PIWIL3: variants seen among roughly 807,000 people sequenced by gnomAD.
PIWIL3 encodes the protein piwi like RNA-mediated gene silencing 3.
In PIWIL3, 101 loss-of-function variants were observed where a neutral mutation model predicts 109.7. That is an observed-to-expected ratio of 0.92 (90% CI 0.78 to 1.09). The LOEUF (loss-of-function observed/expected upper bound fraction) is 1.09. Among genes scored for constraint, PIWIL3 ranks in the 50% least tolerant of loss-of-function variants. PIWIL3 has a pLI of 0.00. For missense variants in PIWIL3, 1,031 were observed against 1,072.6 expected (o/e 0.96, Z 0.54); for synonymous variants, 373 against 376.4 (o/e 0.99, Z 0.10).
intron 12 of PIWIL3, among the ~76,000 whole-genome samples, chr22:24,739,890 A>C (rs1325775085): frequency 1.3e-4 from 20 of 151,902 alleles, no homozygotes; most frequent in African/African-American, 4.8e-4. Flanking sequence ...CTCTACTAAA[A>C]ATACAAAAAA....
In PIWIL3 at chr22:24,739,786, C is replaced by T. The variant is rs186097773; in HGVS notation, c.1450-3894G>A. ...GGTAATAGGGCCGGGGGCGGTGGCT[C>T]ATGCCTGTAATCCCAGCATTTTGAG... is the stretch of plus-strand genomic sequence containing the variant. On this transcript the variant is annotated intron_variant, in intron 12 of 20. Transcript: ENST00000616349. 1.1e-3 allele frequency among the ~76,000 whole-genome samples: 160 copies of T among 152,266 alleles called. 1 individual carries two copies. Among genetic ancestry groups the T allele is most frequent in the Non-Finnish European group, 6.9e-4 (47 of 67,996 alleles).
chr22:24,769,083 G>A (rs1422313321), intron 1 of PIWIL3, among the ~76,000 whole-genome samples: 3 of 152,178 alleles, frequency 2.0e-5, no homozygotes, highest in Non-Finnish European at 2.9e-5. Context: ...ACAGTCTACC[G>A]CTGATACCAA....
At chr22:24,768,644 T>A (rs1925942881) in intron 1 of PIWIL3, among the ~76,000 whole-genome samples, 1 of 152,188 alleles carries the variant, frequency 6.6e-6, no homozygotes, top group South Asian at 2.1e-4. Flanking sequence ...CCCTTACCTC[T>A]ATGGGTGACA....
rs1234901624 is a variant in PIWIL3 at position 24,756,645 on chromosome 22, T to C, written c.416A>G (p.Gln139Arg). ...AACGTTGTATTTATATGCAACCCAC[T>C]GAGGACGAGATATCACTCGGAAGTG... is the stretch of plus-strand genomic sequence containing the variant. Reference protein sequence around the residue: ...ANHFRVISRPQWVAYKYNVDY... With the variant: ...ANHFRVISRPRWVAYKYNVDY... Residue 139 changes from glutamine (Q) to arginine (R), a missense_variant, in exon 5 of 21, where the codon CAG (glutamine) becomes CGG (arginine). Coordinates refer to ENST00000616349, the MANE Select transcript of PIWIL3 (RefSeq NM_001255975.1). 6.2e-7 allele frequency: 1 copy of C among 1,614,010 alleles called. No individual in the cohort carries two copies. The highest frequency in any genetic ancestry group is 8.5e-7 in the Non-Finnish European group (1 of 1,180,008).
Position 24,755,780 on chromosome 22 carries a change from A to G in PIWIL3, c.692+4T>C. On this transcript the variant is annotated splice_donor_region_variant and intron_variant, in intron 6 of 20. Coordinates refer to ENST00000616349, the MANE Select transcript of PIWIL3 (RefSeq NM_001255975.1). ...ATCAAAGAAACTCAACCCCGGTAAC[A>G]TACCTTCTAAAGAGAATGTTGTAAT... The G allele has an allele frequency of 6.2e-7, 1 of 1,614,004 alleles. No homozygotes were observed. Among genetic ancestry groups the G allele is most frequent in the Non-Finnish European group, 8.5e-7 (1 of 1,179,900 alleles).
At chr22:24,762,816 C>T (rs2147720984) in intron 1 of PIWIL3, among the ~76,000 whole-genome samples, 1 of 152,130 alleles carries the variant, frequency 6.6e-6, no homozygotes, top group East Asian at 1.9e-4. Flanking sequence ...CCAGCTCAGG[C>T]AGGTGCTAAT....
rs1427131236 is a variant in PIWIL3 at position 24,754,789 on chromosome 22, A to G, written c.768T>C (p.Arg256=). The stretch of plus-strand genomic sequence containing the variant: ...ATTTTCTACTTTATACAAACCCATG[A>G]CGGTATAACTGAATGGCCTTCTTTT... ...YTKKKAIQLY[R]HGTSLEIWLG... is the part of the protein sequence containing the mutation. The change falls in exon 7 of 21, where the codon CGT becomes CGC. Residue 256 remains arginine (R), a synonymous_variant. Coordinates refer to ENST00000616349, the MANE Select transcript of PIWIL3 (RefSeq NM_001255975.1). 1 of 1,602,200 alleles carries G rather than the reference A, an allele frequency of 6.2e-7. No individual in the cohort carries two copies. The highest frequency in any genetic ancestry group is 1.1e-5 in the South Asian group (1 of 90,824).
rs1925322973 is a variant in PIWIL3 at position 24,759,987 on chromosome 22, G to A, written c.105C>T (p.Thr35=). The A allele has an allele frequency of 6.2e-7, 1 of 1,613,412 alleles. No homozygotes were observed. The highest frequency in any genetic ancestry group is 8.5e-7 in the Non-Finnish European group (1 of 1,179,754). The change falls in exon 3 of 21, where the codon ACC becomes ACT. Residue 35 remains threonine (T), a splice_region_variant and synonymous_variant. Coordinates refer to ENST00000616349, the MANE Select transcript of PIWIL3 (RefSeq NM_001255975.1). ...TCGACTGCAACTGAGGGGGCTCCTG[G>A]GTCTGCATGTTTTTGGAAATAGAAA... ...GGPRAPGSAT[T]QEPPQLQSTP...
rs71189275 is a variant in PIWIL3, at chr22:24,757,079, C to CAAAAAAAAAAAAAAAAAAAAAAAAAAAA, written c.356-375_356-374insTTTTTTTTTTTTTTTTTTTTTTTTTTTT. ...GGACAACAAGAGCTAAACTCCGTCT[C>CAAAAAAAAAAAAAAAAAAAAAAAAAAAA]AAAAAAAAAAAAAAAAAAAAAAAGA... On this transcript the variant is annotated intron_variant, in intron 4 of 20. Transcript: ENST00000616349. 2.1e-4 allele frequency among the ~76,000 whole-genome samples: 19 copies of CAAAAAAAAAAAAAAAAAAAAAAAAAAAA among 91,724 alleles called. 1 individual carries two copies. The highest frequency in any genetic ancestry group is 4.1e-4 in the African/African-American group (9 of 22,184). The allele number at this position is 91,724 out of a possible 152,430, so 60.2% of individuals were successfully genotyped here. A position where few individuals can be genotyped will look rare whatever the true frequency, so the allele number is the denominator to read the frequency against.
rs959122659 is a variant in PIWIL3, at chr22:24,744,201, A to C, written c.1449+4706T>G. Among the ~76,000 whole-genome samples the C allele has an allele frequency of 1.3e-3, 195 of 148,876 alleles. 1 individual carries two copies. Among genetic ancestry groups the C allele is most frequent in the Non-Finnish European group, 2.4e-3 (161 of 67,206 alleles). On this transcript the variant is annotated intron_variant, in intron 12 of 20. Transcript: ENST00000616349. ...ATTAAAAAAAAAAAAAAAAAAAAAA[A>C]AAAAAACAATGATCTGCTGCCTGCA...
chr22:24,741,407 G>A (rs1317128938), intron 12 of PIWIL3, among the ~76,000 whole-genome samples: 1 of 152,150 alleles, frequency 6.6e-6, no homozygotes, highest in African/African-American at 2.4e-5. Context: ...GGGAGGCTGA[G>A]GTAGGAGAAT....
intron 19 of PIWIL3, among the ~76,000 whole-genome samples, chr22:24,720,254 A>C (rs1248301803): frequency 7.5e-6 from 1 of 133,068 alleles, no homozygotes; most frequent in Non-Finnish European, 1.5e-5. Flanking sequence ...GACTATATTT[A>C]AACTGTTTTT....
At chr22:24,753,078 A>C (rs1924806445) in intron 8 of PIWIL3, among the ~76,000 whole-genome samples, 1 of 152,208 alleles carries the variant, frequency 6.6e-6, no homozygotes, top group Non-Finnish European at 1.5e-5. Context: ...TGTGATTTGC[A>C]AACATTTTCC....
Position 24,728,374 on chromosome 22 carries a change from C to T in PIWIL3, c.1708G>A (p.Val570Met). 2 of 1,614,098 alleles carry T rather than the reference C, an allele frequency of 1.2e-6. No homozygotes were observed. The highest frequency in any genetic ancestry group is 1.7e-6 in the Non-Finnish European group (2 of 1,180,016). Reference protein sequence around the residue: ...RKYTRPTLQMVICILPNDDKR... With the variant: ...RKYTRPTLQMMICILPNDDKR... ...TCATCATTGGGCAGGATACAAATCA[C>T]CTTGAAAACCAGCAAACATGACATT... Residue 570 changes from valine to methionine, a missense_variant and splice_region_variant, in exon 15 of 21, where the codon GTG becomes ATG. Coordinates refer to ENST00000616349, the MANE Select transcript of PIWIL3 (RefSeq NM_001255975.1).
intron 12 of PIWIL3, among the ~76,000 whole-genome samples, chr22:24,739,626 C>G (rs1166129940): frequency 1.3e-5 from 2 of 152,020 alleles, no homozygotes; most frequent in Non-Finnish European, 2.9e-5. Flanking sequence ...AAAGACTTTT[C>G]CAGACAAACA....
At chr22:24,729,250 C>A (rs12169240) in intron 14 of PIWIL3, among the ~76,000 whole-genome samples, 3,154 of 152,196 alleles carry the variant, frequency 0.021, 103 homozygotes, top group African/African-American at 0.067. Context: ...CCCCTCTCTG[C>A]TGCAGAGAGC....
chr22:24,735,736 T>TG lies in PIWIL3; in HGVS notation c.1605dup (p.Met536HisfsTer12). On this transcript the variant is annotated frameshift_variant, in exon 13 of 21. Transcript: ENST00000616349. LOFTEE classifies it high-confidence loss of function. ...TCTGCTGGTTTCATAGTTATGCCCA[T>TG]GGGGGCTGTGACACTCTGTAGATGA... The TG allele has an allele frequency of 6.2e-7, 1 of 1,607,592 alleles. No individual in the cohort carries two copies. Among genetic ancestry groups the TG allele is most frequent in the Non-Finnish European group, 8.5e-7 (1 of 1,178,530 alleles).
chr22:24,749,780 A>G lies in PIWIL3; in HGVS notation c.1129T>C (p.Leu377=), dbSNP rs1192302282. The G allele has an allele frequency of 2.5e-6, 4 of 1,614,010 alleles. No individual in the cohort carries two copies. In the South Asian group the frequency reaches 4.4e-5, roughly 18 times the overall value. ...EIVTVKKQPL[L]VSQGRWKKGL... is the part of the protein sequence containing the mutation. ...TTTTTCCATCTGCCCTGGCTGACCAAAAGTGGCTGTTTCTTCACTGTGACA... is the reference window on the plus strand; with the variant it reads ...TTTTTCCATCTGCCCTGGCTGACCAGAAGTGGCTGTTTCTTCACTGTGACA... The change falls in exon 10 of 21, where the codon TTG becomes CTG. Residue 377 remains leucine (L), a synonymous_variant. Coordinates refer to ENST00000616349, the MANE Select transcript of PIWIL3 (RefSeq NM_001255975.1).
At chr22:24,726,820 C>T (rs1923027859) in intron 16 of PIWIL3, among the ~76,000 whole-genome samples, 1 of 152,162 alleles carries the variant, frequency 6.6e-6, no homozygotes, top group Admixed American at 6.6e-5. Context: ...ATGGATCTTC[C>T]TTTAAAGATA....
Sources: gnomAD v4.1 joint callset for allele counts (sites outside exome capture counted in the v4.1 genomes callset) on GRCh38, gnomAD v4.1.1 for gene constraint, MANE v1.5 for transcripts, NCBI Gene and HGNC (gene_info 2026-07-23, HGNC 2026-07-21) for gene names.